Variants in CCDC102B observed in about 807,000 individuals in gnomAD.
CCDC102B encodes coiled-coil domain-containing protein 102B.
A neutral mutation model predicts 57.4 loss-of-function variants in CCDC102B; 75 were observed. The ratio of observed to expected loss-of-function variants is 1.31; its 90% CI spans 1.08 to 1.58. The LOEUF is 1.58. CCDC102B is among the 40% of genes most tolerant of loss of function. The pLI is 0.00. For missense variants in CCDC102B, 636 were observed against 582.6 expected (o/e 1.09, Z -0.94); for synonymous variants, 206 against 201.9 (o/e 1.02, Z -0.17).
At chr18:68,790,316 T>C (rs896886060) in intron 2 of CCDC102B, among the ~76,000 whole-genome samples, 7 of 127,676 alleles carry the variant, frequency 5.5e-5, no homozygotes, top group Admixed American at 3.8e-4. Flanking sequence ...AGGTGGAGCG[T>C]ACAGAGGCAG....
chr18:68,888,044 G>C (rs919291176), intron 5 of CCDC102B, among the ~76,000 whole-genome samples: 1 of 152,098 alleles, frequency 6.6e-6, no homozygotes. Flanking sequence ...CATGATGAAT[G>C]TCACTTGTGT....
At chr18:68,998,432 A>ATT (rs1197740898) in intron 6 of CCDC102B, among the ~76,000 whole-genome samples, 2 of 33,338 alleles carry the variant, frequency 6.0e-5, no homozygotes, top group East Asian at 5.9e-4. Context: ...TATATAATAT[A>ATT]TTATATATAT....
At chr18:68,813,892 A>G (rs1335611469) in intron 1 of CCDC102B, among the ~76,000 whole-genome samples, 1 of 151,836 alleles carries the variant, frequency 6.6e-6, no homozygotes, top group Non-Finnish European at 1.5e-5. Flanking sequence ...ACTAAAGTGG[A>G]TGAGACAGAG....
intron 7 of CCDC102B, among the ~76,000 whole-genome samples, chr18:69,029,763 G>A (rs1251717744): frequency 6.6e-6 from 1 of 152,058 alleles, no homozygotes; most frequent in Non-Finnish European, 1.5e-5. Context: ...TTGGTTCCAG[G>A]AACACAAATC....
intron 2 of CCDC102B, among the ~76,000 whole-genome samples, chr18:68,759,210 A>G (rs1347029980): frequency 6.6e-6 from 1 of 152,090 alleles, no homozygotes; most frequent in African/African-American, 2.4e-5. Context: ...AAGGAATTGT[A>G]TTACCAGTCC....
chr18:68,992,424 T>C (rs537936908), intron 6 of CCDC102B, among the ~76,000 whole-genome samples: 1 of 152,282 alleles, frequency 6.6e-6, no homozygotes, highest in Non-Finnish European at 1.5e-5. Context: ...GCCTCCTCCA[T>C]TTCTGTTCAC....
At chr18:68,867,822 TACTC>T in intron 4 of CCDC102B, among the ~76,000 whole-genome samples, 1 of 151,680 alleles carries the variant, frequency 6.6e-6, no homozygotes, top group Non-Finnish European at 1.5e-5. Flanking sequence ...TAGTCCCAGC[TACTC>T]GACAGGCTGA....
intron 2 of CCDC102B, among the ~76,000 whole-genome samples, chr18:68,790,140 T>C (rs1414869903): frequency 2.7e-5 from 4 of 150,332 alleles, no homozygotes; most frequent in East Asian, 2.0e-4. Flanking sequence ...GTTAGGCTGC[T>C]CAGGGGTCAG....
chr18:68,938,326 T>G (rs1371162096), intron 6 of CCDC102B, among the ~76,000 whole-genome samples: 1 of 152,066 alleles, frequency 6.6e-6, no homozygotes, highest in Non-Finnish European at 1.5e-5. Context: ...CTGAAAATTT[T>G]TAAATTCCCT....
At chr18:69,043,603 G>A (rs928894016) in intron 7 of CCDC102B, among the ~76,000 whole-genome samples, 1 of 152,062 alleles carries the variant, frequency 6.6e-6, no homozygotes, top group African/African-American at 2.4e-5. Flanking sequence ...TCAAGCCTTT[G>A]TTTAACAAAG....
intron 6 of CCDC102B, among the ~76,000 whole-genome samples, chr18:68,906,096 G>A (rs576830430): frequency 7.9e-5 from 12 of 152,106 alleles, no homozygotes; most frequent in Middle Eastern, 3.4e-3. Context: ...CCCGGCCTAC[G>A]TCTGGCTTTT....
At chr18:68,721,053 G>C (rs1449917267) in intron 2 of CCDC102B, 1 of 152,178 alleles carries the variant, frequency 6.6e-6, no homozygotes, top group Non-Finnish European at 1.5e-5. Flanking sequence ...CAGCCTGTGG[G>C]ACAGACAGAC....
intron 2 of CCDC102B, among the ~76,000 whole-genome samples, chr18:68,756,759 TC>T (rs1044980003): frequency 6.6e-6 from 1 of 152,156 alleles, no homozygotes; most frequent in Admixed American, 6.6e-5. Context: ...GTAAGTCAAT[TC>T]GATAATAAAA....
chr18:68,778,014 C>CATA (rs1718370759), intron 2 of CCDC102B, among the ~76,000 whole-genome samples: 1 of 152,032 alleles, frequency 6.6e-6, no homozygotes, highest in South Asian at 2.1e-4. Context: ...ACCACTGATC[C>CATA]ATAAGTTTAA....
exon 1 of CCDC102B, chr18:68,715,246 C>G: frequency 7.5e-7 from 1 of 1,340,962 alleles, no homozygotes. Flanking sequence ...GTGCCCCCCT[C>G]CACGCCCAGG....
intron 4 of CCDC102B, 86 bp from the exon 5 acceptor site, chr18:68,874,583 T>C: frequency 1.3e-6 from 1 of 787,538 alleles, no homozygotes; most frequent in Non-Finnish European, 2.1e-6. Flanking sequence ...AAAACAACAC[T>C]AAAGCTAAAT....
chr18:68,971,391 T>A (rs2050297185), intron 6 of CCDC102B, among the ~76,000 whole-genome samples: 1 of 152,120 alleles, frequency 6.6e-6, no homozygotes, highest in Admixed American at 6.5e-5. Context: ...ACTCAGCAAT[T>A]ATCTAGTGAA....
chr18:68,795,944 G>A (rs2035615183), upstream of CCDC102B, among the ~76,000 whole-genome samples: 1 of 152,188 alleles, frequency 6.6e-6, no homozygotes, highest in African/African-American at 2.4e-5. Context: ...AGTAATAAGA[G>A]AGGGGATAAA....
intron 7 of CCDC102B, among the ~76,000 whole-genome samples, chr18:69,026,897 AC>A (rs1338718716): frequency 6.6e-6 from 1 of 152,226 alleles, no homozygotes; most frequent in African/African-American, 2.4e-5. Context: ...ACACAAGTGT[AC>A]AATATGCATG....
Sources: gnomAD v4.1 joint callset for allele counts (sites outside exome capture counted in the v4.1 genomes callset) on GRCh38, gnomAD v4.1.1 for gene constraint, MANE v1.5 for transcripts, NCBI Gene and HGNC (gene_info 2026-07-23, HGNC 2026-07-21) for gene names.